SCMH1: variants seen among roughly 807,000 people sequenced by gnomAD.
SCMH1 encodes polycomb protein SCMH1.
A neutral mutation model predicts 70.8 loss-of-function variants in SCMH1; 37 were observed. The ratio of observed to expected loss-of-function variants is 0.52; its 90% CI spans 0.40 to 0.69. The LOEUF (loss-of-function observed/expected upper bound fraction) is 0.69, where lower values mean the gene tolerates loss of function less well. Ranked by LOEUF, SCMH1 falls within the 30% of genes least tolerant of loss-of-function variation. The probability of loss-of-function intolerance (pLI) is 0.00; values close to 1 mark genes in which losing one functional copy is unlikely to be tolerated. For missense variants in SCMH1, 607 were observed against 827.3 expected (o/e 0.73, Z 3.27); for synonymous variants, 292 against 307.4 (o/e 0.95, Z 0.52).
chr1:41,071,606 G>A (rs1299745207), intron 9 of SCMH1, among the ~76,000 whole-genome samples: 1 of 152,080 alleles, frequency 6.6e-6, no homozygotes, highest in Non-Finnish European at 1.5e-5. Flanking sequence ...CCCCTACACT[G>A]TTCAGGGCAG....
At chr1:41,139,517 C>T (rs1643863436) in intron 6 of SCMH1, among the ~76,000 whole-genome samples, 1 of 152,156 alleles carries the variant, frequency 6.6e-6, no homozygotes, top group Admixed American at 6.5e-5. Flanking sequence ...TTTACATGGT[C>T]ACTATGTTCC....
At chr1:41,132,981 C>T (rs1380565878) in intron 6 of SCMH1, among the ~76,000 whole-genome samples, 1 of 152,150 alleles carries the variant, frequency 6.6e-6, no homozygotes, top group Non-Finnish European at 1.5e-5. Context: ...AGCATGATGC[C>T]TCCAGCTTTG....
intron 4 of SCMH1, among the ~76,000 whole-genome samples, chr1:41,152,259 C>T (rs1188384195): frequency 1.3e-5 from 2 of 152,206 alleles, no homozygotes; most frequent in Non-Finnish European, 2.9e-5. Flanking sequence ...ACCCCCGCTG[C>T]ACCCCCATCC....
intron 8 of SCMH1, among the ~76,000 whole-genome samples, chr1:41,110,693 T>A (rs1669062234): frequency 6.6e-6 from 1 of 152,264 alleles, no homozygotes; most frequent in South Asian, 2.1e-4. Context: ...ATTTATCAGA[T>A]GATGAACATT....
At chr1:41,195,241 A>C (rs541742421) in intron 1 of SCMH1, among the ~76,000 whole-genome samples, 46 of 151,912 alleles carry the variant, frequency 3.0e-4, no homozygotes, top group African/African-American at 1.1e-3. Context: ...AATACCGATC[A>C]TACAGAAATG....
intron 1 of SCMH1, among the ~76,000 whole-genome samples, chr1:41,192,629 T>A (rs1277472156): frequency 6.6e-6 from 1 of 152,168 alleles, no homozygotes; most frequent in East Asian, 1.9e-4. Flanking sequence ...TTTAGGAAAC[T>A]ATTTTGCTGC....
intron 2 of SCMH1, among the ~76,000 whole-genome samples, chr1:41,164,850 A>C (rs537431117): frequency 2.6e-5 from 4 of 152,268 alleles, no homozygotes; most frequent in Admixed American, 2.6e-4. Context: ...TATAGCAATT[A>C]GTATATCCAT....
intron 8 of SCMH1, among the ~76,000 whole-genome samples, chr1:41,100,355 C>G (rs1666241587): frequency 6.6e-6 from 1 of 152,006 alleles, no homozygotes; most frequent in South Asian, 2.1e-4. Flanking sequence ...ATTACCATTT[C>G]TACCCCCTAG....
intron 1 of SCMH1, among the ~76,000 whole-genome samples, chr1:41,216,487 A>C (rs1658114106): frequency 6.6e-6 from 1 of 152,212 alleles, no homozygotes; most frequent in African/African-American, 2.4e-5. Context: ...AATTTGCATG[A>C]GGAGGAAACC....
intron 8 of SCMH1, among the ~76,000 whole-genome samples, chr1:41,076,450 C>CTA (rs1302631490): frequency 2.0e-5 from 3 of 152,136 alleles, no homozygotes; most frequent in African/African-American, 7.2e-5. Context: ...ATACACTGTA[C>CTA]TAAGCTCTGG....
chr1:41,161,621 A>C, intron 2 of SCMH1, 189 bp from the exon 3 acceptor site: 1 of 531,170 alleles, frequency 1.9e-6, no homozygotes, highest in East Asian at 3.5e-5. Flanking sequence ...TACAATAACA[A>C]AAAAAGGAAC....
chr1:41,069,825 ATGTC>A (rs1197527001), intron 10 of SCMH1, among the ~76,000 whole-genome samples: 1 of 152,192 alleles, frequency 6.6e-6, no homozygotes, highest in African/African-American at 2.4e-5. Context: ...ATGGGAAACT[ATGTC>A]TGAGCCTTCC....
intron 10 of SCMH1, among the ~76,000 whole-genome samples, chr1:41,067,917 A>G (rs976279408): frequency 2.0e-5 from 3 of 152,170 alleles, no homozygotes; most frequent in Non-Finnish European, 4.4e-5. Flanking sequence ...GTATATAGGA[A>G]ATCTCTGTAT....
At chr1:41,100,256 T>C (rs3766322) in intron 8 of SCMH1, among the ~76,000 whole-genome samples, 2,856 of 152,240 alleles carry the variant, frequency 0.019, 89 homozygotes, top group East Asian at 0.1. Flanking sequence ...TAAAAGAGAA[T>C]TGTAAAAGCA....
intron 9 of SCMH1, among the ~76,000 whole-genome samples, chr1:41,074,585 T>C (rs1657603236): frequency 6.6e-6 from 1 of 152,168 alleles, no homozygotes; most frequent in African/African-American, 2.4e-5. Flanking sequence ...TAATTTGTGC[T>C]TTCTGTCTAC....
intron 1 of SCMH1, among the ~76,000 whole-genome samples, chr1:41,193,439 T>C (rs941080853): frequency 1.3e-5 from 2 of 151,994 alleles, no homozygotes; most frequent in Non-Finnish European, 2.9e-5. Context: ...AAATATACAA[T>C]CATCGTGTGA....
At chr1:41,181,248 G>C (rs1648672809) in intron 2 of SCMH1, among the ~76,000 whole-genome samples, 1 of 152,156 alleles carries the variant, frequency 6.6e-6, no homozygotes, top group Admixed American at 6.5e-5. Flanking sequence ...AAAAACCCTA[G>C]AAGAAAACCT....
intron 1 of SCMH1, among the ~76,000 whole-genome samples, chr1:41,207,047 A>T (rs1251141980): frequency 2.6e-5 from 4 of 152,232 alleles, no homozygotes; most frequent in African/African-American, 9.6e-5. Flanking sequence ...AAAGCACTAA[A>T]CATTGAAAGA....
chr1:41,196,828 C>T (rs1164386532), intron 1 of SCMH1, among the ~76,000 whole-genome samples: 3 of 152,052 alleles, frequency 2.0e-5, no homozygotes, highest in Non-Finnish European at 2.9e-5. Flanking sequence ...AAAATATACA[C>T]GGAACCCCTA....
Sources: allele counts gnomAD v4.1 joint callset (sites outside exome capture counted in the v4.1 genomes callset), GRCh38; gene constraint gnomAD v4.1.1; transcripts MANE v1.5; gene names NCBI Gene and HGNC (gene_info 2026-07-23, HGNC 2026-07-21).